POLK: variants seen among roughly 807,000 people sequenced by gnomAD.
The protein encoded by POLK is DNA polymerase kappa, also known as polymerase (DNA directed) kappa.
In POLK, 76 loss-of-function variants were observed where a neutral mutation model predicts 94.0. That is an observed-to-expected ratio of 0.81 (90% CI 0.67 to 0.98). The LOEUF (loss-of-function observed/expected upper bound fraction) is 0.98. Ranked by LOEUF, POLK falls within the 50% of genes least tolerant of loss-of-function variation. The pLI, the probability that POLK is intolerant of heterozygous loss-of-function variation, is 0.00. For synonymous variants in POLK, 349 were observed against 325.4 expected (o/e 1.07, Z -0.78); for missense variants, 954 against 1,010.1 (o/e 0.94, Z 0.75).
At chr5:75,536,087 T>C (rs1303865335) in intron 1 of POLK, among the ~76,000 whole-genome samples, 1 of 152,126 alleles carries the variant, frequency 6.6e-6, no homozygotes, top group African/African-American at 2.4e-5. Context: ...ATTCCTTCAG[T>C]TTTTGATGTT....
intron 1 of POLK, among the ~76,000 whole-genome samples, chr5:75,543,025 A>G (rs1299485663): frequency 1.4e-5 from 2 of 137,948 alleles, no homozygotes; most frequent in Non-Finnish European, 3.1e-5. Flanking sequence ...TTATTTATTT[A>G]TTTATTTATT....
At chr5:75,511,136 C>A, upstream of POLK, 2 of 1,603,874 alleles carry the variant, frequency 1.2e-6, no homozygotes, top group African/African-American at 1.3e-5. Flanking sequence ...CGCAGCGCTC[C>A]ACAGGCGGCC....
At chr5:75,563,795 AG>A (rs536341383) in intron 3 of POLK, among the ~76,000 whole-genome samples, 51 of 152,288 alleles carry the variant, frequency 3.3e-4, no homozygotes, top group Middle Eastern at 3.4e-3. Flanking sequence ...GCATTTGCTG[AG>A]GAGTGTTTTA....
In POLK at chr5:75,596,489, T is replaced by C. The variant is rs756044496; in HGVS notation, c.1796T>C (p.Phe599Ser). Residue 599 changes from phenylalanine (F) to serine (S), a missense_variant, in exon 13 of 15, where the codon TTC (phenylalanine) becomes TCC (serine). Phe to Ser is a radical substitution (Grantham distance 155, BLOSUM62 -2). Transcript: ENST00000241436. ...CAAAGTTTCCAGACATCACAACCAT[T>C]CCAAGTTTTAAAGAAGAAGATGAAT... 1.9e-6 allele frequency: 3 copies of C among 1,614,010 alleles called. No homozygotes were observed. In the South Asian group the frequency reaches 3.3e-5, roughly 18 times the overall value.
chr5:75,511,297 A>T, upstream of POLK: 1 of 1,561,842 alleles, frequency 6.4e-7, no homozygotes, highest in Non-Finnish European at 8.7e-7. Context: ...GGGTCGGGGG[A>T]TGGCGAAGCG....
chr5:75,587,297 T>G (rs1275735690), intron 10 of POLK, among the ~76,000 whole-genome samples: 1 of 152,186 alleles, frequency 6.6e-6, no homozygotes, highest in Non-Finnish European at 1.5e-5. Context: ...TCCTACCTAG[T>G]GAAAACCAAG....
chr5:75,525,191 T>A (rs1375600538), intron 1 of POLK, among the ~76,000 whole-genome samples: 2 of 152,206 alleles, frequency 1.3e-5, no homozygotes, highest in African/African-American at 2.4e-5. Flanking sequence ...CAACAGATGG[T>A]AACCCCAAGA....
chr5:75,552,733 A>C (rs776732195), intron 3 of POLK, 142 bp downstream of exon 3: 5 of 871,482 alleles, frequency 5.7e-6, no homozygotes, highest in Non-Finnish European at 8.8e-6. Context: ...GCAAATGAAC[A>C]TACTTTACTT....
intron 3 of POLK, among the ~76,000 whole-genome samples, chr5:75,566,435 C>A (rs1003603643): frequency 6.6e-6 from 1 of 152,252 alleles, no homozygotes; most frequent in African/African-American, 2.4e-5. Flanking sequence ...CTGCAGCTAG[C>A]TCAGTGTCTG....
intron 1 of POLK, among the ~76,000 whole-genome samples, chr5:75,539,072 G>A (rs969862485): frequency 1.3e-5 from 2 of 152,114 alleles, no homozygotes; most frequent in African/African-American, 2.4e-5. Flanking sequence ...GTGCCCGGCC[G>A]TTTAAGTGTA....
chr5:75,516,610 A>G (rs555045826), intron 1 of POLK, among the ~76,000 whole-genome samples: 2 of 152,262 alleles, frequency 1.3e-5, no homozygotes, highest in Admixed American at 1.3e-4. Context: ...GGGTATAGAA[A>G]GCTGTGATTA....
At chr5:75,511,942 T>TC in intron 1 of POLK, 28 bp downstream of exon 1, 1 of 945,828 alleles carries the variant, frequency 1.1e-6, no homozygotes, top group African/African-American at 1.7e-5. Flanking sequence ...GGATCGCTTG[T>TC]CCCCTTGGGG....
chr5:75,595,248 G>GAAAAAAAAAA lies in POLK; in HGVS notation c.1529-958_1529-949dup, dbSNP rs58783164. ...GCAACAAGAGTGAAACTCCACCTCAGAAAAAAAAAAAAAAAAAAAAAAAAA... is the reference window on the plus strand; with the variant it reads ...GCAACAAGAGTGAAACTCCACCTCAGAAAAAAAAAAAAAAAAAAAAAAAAAAAAAAAAAAA... On this transcript the variant is annotated intron_variant, in intron 12 of 14. Coordinates refer to ENST00000241436, the Ensembl canonical transcript of POLK. 2.0e-4 allele frequency among the ~76,000 whole-genome samples: 5 copies of GAAAAAAAAAA among 24,882 alleles called. 1 individual carries two copies. The highest frequency in any genetic ancestry group is 3.3e-4 in the African/African-American group (3 of 9,168). The allele number at this position is 24,882 out of a possible 152,430, so 16.3% of individuals were successfully genotyped here.
intron 12 of POLK, 54 bp from the exon 13 acceptor site, chr5:75,596,168 G>T: frequency 1.0e-6 from 1 of 976,528 alleles, no homozygotes; most frequent in South Asian, 1.5e-5. Context: ...TTTATGCATT[G>T]TGAGTGAATT....
chr5:75,516,391 T>C (rs1768323060), intron 1 of POLK, among the ~76,000 whole-genome samples: 1 of 152,110 alleles, frequency 6.6e-6, no homozygotes. Context: ...CAGACCAGTC[T>C]GGGCAACATA....
intron 3 of POLK, among the ~76,000 whole-genome samples, chr5:75,562,560 G>C (rs1479687394): frequency 6.6e-6 from 1 of 152,176 alleles, no homozygotes; most frequent in Non-Finnish European, 1.5e-5. Flanking sequence ...AATAGGAGTG[G>C]TGAGAGAGGA....
chr5:75,524,142 A>C (rs1768721735), intron 1 of POLK, among the ~76,000 whole-genome samples: 1 of 151,728 alleles, frequency 6.6e-6, no homozygotes, highest in South Asian at 2.1e-4. Flanking sequence ...AAAAAAAAAC[A>C]ACAAAAAAAA....
chr5:75,601,096 T>C (rs530140015), exon 15 of POLK: 1 of 152,312 alleles, frequency 6.6e-6, no homozygotes, highest in East Asian at 1.9e-4. Flanking sequence ...ATTTTATATA[T>C]TCTTGTTCAT....
chr5:75,606,721 A>T, the POLK span, among the ~76,000 whole-genome samples: 2 of 151,870 alleles, frequency 1.3e-5, no homozygotes, highest in Non-Finnish European at 2.9e-5. Context: ...ACATAACAAA[A>T]TGGAGTCTCC....
Sources: allele counts gnomAD v4.1 joint callset (sites outside exome capture counted in the v4.1 genomes callset), GRCh38; gene constraint gnomAD v4.1.1; transcripts MANE v1.5; gene names NCBI Gene and HGNC (gene_info 2026-07-23, HGNC 2026-07-21).